Variants in BCL2L13 observed in about 807,000 individuals in gnomAD.
BCL2L13 encodes the protein bcl-2-like protein 13.
Under a neutral mutation model 25.8 loss-of-function variants are expected in BCL2L13, and 13 were observed. That is an observed-to-expected ratio of 0.50 (90% CI 0.33 to 0.80). The LOEUF is 0.80. Ranked by LOEUF, BCL2L13 falls within the 30% of genes least tolerant of loss-of-function variation. The pLI is 0.02. For missense variants in BCL2L13, 504 were observed against 574.9 expected, an observed-to-expected ratio of 0.88 and a Z score of 1.26; for synonymous variants, 244 against 230.3, an observed-to-expected ratio of 1.06 and a Z score of -0.54.
In BCL2L13 at chr22:17,674,669, G is replaced by A. The variant is rs568180606; in HGVS notation, c.122-8545G>A. On this transcript the variant is annotated intron_variant, in intron 2 of 6. Transcript: ENST00000317582. ...GCTATGTTGCCCAGGCTGGAGTGCA[G>A]TGGCTACTCACAGGCATGATTATAG... 1.3e-3 allele frequency among the ~76,000 whole-genome samples: 201 copies of A among 151,400 alleles called. 1 individual carries two copies. The highest frequency in any genetic ancestry group is 2.4e-3 in the Non-Finnish European group (166 of 67,916).
intron 1 of BCL2L13, among the ~76,000 whole-genome samples, chr22:17,650,649 C>T (rs1271140835): frequency 6.6e-6 from 1 of 152,098 alleles, no homozygotes; most frequent in Non-Finnish European, 1.5e-5. Flanking sequence ...TATTCTTTTA[C>T]AAACTATAGT....
chr22:17,689,115 A>G lies in BCL2L13; in HGVS notation c.359A>G (p.His120Arg), dbSNP rs767058000. 7.4e-6 allele frequency: 12 copies of G among 1,614,038 alleles called. No homozygotes were observed. Among genetic ancestry groups the G allele is most frequent in the African/African-American group, 2.7e-5 (2 of 74,936 alleles). Residue 120 changes from histidine to arginine, a missense_variant, in exon 4 of 7, where the codon CAT becomes CGT. Transcript: ENST00000317582. ...TCCCAGGAACTGAAAGAGCCTCTCCATAAAGCATTGCAAATGCTCCTGAGC... is the reference window on the plus strand; with the variant it reads ...TCCCAGGAACTGAAAGAGCCTCTCCGTAAAGCATTGCAAATGCTCCTGAGC... The part of the protein sequence containing the change: ...KVSQELKEPL[H>R]KALQMLLSQP...
intron 1 of BCL2L13, among the ~76,000 whole-genome samples, chr22:17,646,758 C>T (rs1451760556): frequency 9.8e-6 from 1 of 102,006 alleles, no homozygotes; most frequent in Non-Finnish European, 1.8e-5. Flanking sequence ...CTAGCTCTGT[C>T]GCCTAGGCTG....
At chr22:17,677,122 C>A (rs1436819049) in intron 2 of BCL2L13, among the ~76,000 whole-genome samples, 1 of 151,896 alleles carries the variant, frequency 6.6e-6, no homozygotes, top group African/African-American at 2.4e-5. Context: ...GAGTTTGAGA[C>A]CTGCCTAGGC....
At chr22:17,696,286 C>A in intron 5 of BCL2L13, 76 bp downstream of exon 5, 2 of 1,192,434 alleles carry the variant, frequency 1.7e-6, no homozygotes, top group Non-Finnish European at 1.2e-6. Context: ...TTGCTAGCAT[C>A]ATCAGCAGAA....
chr22:17,730,036 C>T lies in BCL2L13; in HGVS notation c.*2502C>T, dbSNP rs915260276. ...CCATTCCTTCCACCTCCAACTTATA[C>T]CCTCTAAGTCTAAGGTGAAGGAAAG... On this transcript the variant is annotated 3_prime_UTR_variant, in exon 7 of 7. Transcript: ENST00000317582. 2.0e-5 allele frequency: 3 copies of T among 152,198 alleles called. No homozygotes were observed. Among genetic ancestry groups the T allele is most frequent in the African/African-American group, 4.8e-5 (2 of 41,452 alleles). The allele number at this position is 152,198 out of a possible 1,614,324, so 9.4% of individuals were successfully genotyped here.
intron 6 of BCL2L13, among the ~76,000 whole-genome samples, chr22:17,722,376 GGGGTGTGTGTGTGTGTGT>G (rs1233257157): frequency 1.0e-4 from 7 of 67,892 alleles, no homozygotes; most frequent in South Asian, 7.9e-4. Context: ...TGAGACTACA[GGGGTGTGTGTGTGTGTGT>G]GTGTGTGTGT....
At chr22:17,682,588 T>C (rs1169249855) in intron 2 of BCL2L13, among the ~76,000 whole-genome samples, 1 of 152,200 alleles carries the variant, frequency 6.6e-6, no homozygotes, top group African/African-American at 2.4e-5. Flanking sequence ...AAGAGAGGAC[T>C]GGCCCGACTT....
intron 6 of BCL2L13, among the ~76,000 whole-genome samples, chr22:17,710,972 A>G (rs909095880): frequency 2.0e-5 from 3 of 152,226 alleles, no homozygotes; most frequent in African/African-American, 4.8e-5. Flanking sequence ...AACTTGATCT[A>G]ATGTCTTAGA....
chr22:17,670,737 G>A (rs2059391251), intron 2 of BCL2L13, among the ~76,000 whole-genome samples: 1 of 152,158 alleles, frequency 6.6e-6, no homozygotes, highest in Non-Finnish European at 1.5e-5. Context: ...TTCCAGAGAT[G>A]TGTACTGTTT....
At chr22:17,715,793 T>A (rs1162341450) in intron 6 of BCL2L13, among the ~76,000 whole-genome samples, 3 of 152,138 alleles carry the variant, frequency 2.0e-5, no homozygotes, top group Non-Finnish European at 4.4e-5. Flanking sequence ...TCATTCTGTT[T>A]GGGGGTTGGA....
rs1166792513 is a variant in BCL2L13, at chr22:17,685,760, C to CTTTTTTTTTTTTTTTTTTTTTT, written c.229+2447_229+2468dup. ...TATTGCCCAATAATTTTTTCTTTTTCTTTTTTTTTTTTTTTTTTTTTTTTT... is the reference window on the plus strand; with the variant it reads ...TATTGCCCAATAATTTTTTCTTTTTCTTTTTTTTTTTTTTTTTTTTTTTTTTTTTTTTTTTTTTTTTTTTTTT... On this transcript the variant is annotated intron_variant, in intron 3 of 6. Coordinates refer to ENST00000317582, the MANE Select transcript of BCL2L13 (RefSeq NM_015367.4). 1.3e-4 allele frequency among the ~76,000 whole-genome samples: 8 copies of CTTTTTTTTTTTTTTTTTTTTTT among 60,568 alleles called. 2 individuals carry two copies. Among genetic ancestry groups the CTTTTTTTTTTTTTTTTTTTTTT allele is most frequent in the African/African-American group, 3.8e-4 (6 of 15,838 alleles). The allele number at this position is 60,568 out of a possible 152,430, so 39.7% of individuals were successfully genotyped here. A position where few individuals can be genotyped will look rare whatever the true frequency, so the allele number is the denominator to read the frequency against.
chr22:17,643,994 C>T (rs909784827), intron 1 of BCL2L13, among the ~76,000 whole-genome samples: 6 of 150,946 alleles, frequency 4.0e-5, no homozygotes, highest in African/African-American at 4.9e-5. Flanking sequence ...CTGCAAACTC[C>T]GCTTCCTGGG....
intron 2 of BCL2L13, among the ~76,000 whole-genome samples, chr22:17,667,584 C>G (rs544064597): frequency 1.3e-5 from 2 of 152,188 alleles, no homozygotes; most frequent in South Asian, 4.1e-4. Context: ...TCTCAGCTCA[C>G]TGCAACCTCA....
chr22:17,671,170 A>T (rs2059404288), intron 2 of BCL2L13, among the ~76,000 whole-genome samples: 2 of 152,054 alleles, frequency 1.3e-5, no homozygotes, highest in African/African-American at 4.8e-5. Flanking sequence ...CGAGGTGGGT[A>T]GATCATGAGG....
upstream of BCL2L13, among the ~76,000 whole-genome samples, chr22:17,633,974 C>T (rs2058067710): frequency 6.6e-6 from 1 of 151,956 alleles, no homozygotes; most frequent in African/African-American, 2.4e-5. Flanking sequence ...TGCACACCAC[C>T]TCAAAGCTTT....
intron 2 of BCL2L13, among the ~76,000 whole-genome samples, chr22:17,667,933 CAT>C (rs1254300329): frequency 7.1e-6 from 1 of 141,056 alleles, no homozygotes; most frequent in African/African-American, 2.6e-5. Flanking sequence ...GACATACAAA[CAT>C]TTTTAATTTT....
intron 2 of BCL2L13, among the ~76,000 whole-genome samples, chr22:17,663,683 CT>C (rs61709181): frequency 4.1e-4 from 44 of 107,464 alleles, no homozygotes; most frequent in Admixed American, 7.8e-4. Context: ...TACATTTTTC[CT>C]TTTTTTTTTT....
chr22:17,680,035 A>G (rs1011456895), intron 2 of BCL2L13, among the ~76,000 whole-genome samples: 8 of 151,492 alleles, frequency 5.3e-5, no homozygotes, highest in African/African-American at 1.9e-4. Context: ...CAACATGATG[A>G]AGCACCATCT....
Sources: allele counts gnomAD v4.1 joint callset (sites outside exome capture counted in the v4.1 genomes callset), GRCh38; gene constraint gnomAD v4.1.1; transcripts MANE v1.5; gene names NCBI Gene and HGNC (gene_info 2026-07-23, HGNC 2026-07-21).